Variants in ERLIN1 observed in about 807,000 individuals in gnomAD.
ERLIN1 encodes the protein ER lipid raft associated 1, also known as erlin-1.
A neutral mutation model predicts 46.9 loss-of-function variants in ERLIN1; 24 were observed. The observed-to-expected ratio is 0.51, with a 90% confidence interval of 0.37 to 0.72. The LOEUF (loss-of-function observed/expected upper bound fraction) is 0.72. Among genes scored for constraint, ERLIN1 ranks in the 30% least tolerant of loss-of-function variants. The probability of loss-of-function intolerance (pLI) is 0.00; values close to 1 mark genes in which losing one functional copy is unlikely to be tolerated. For synonymous variants in ERLIN1, 158 were observed against 143.2 expected (o/e 1.10, Z -0.74); for missense variants, 293 against 417.9 (o/e 0.70, Z 2.61).
chr10:100,182,224 T>G (rs186852551), intron 2 of ERLIN1, among the ~76,000 whole-genome samples: 2 of 151,000 alleles, frequency 1.3e-5, no homozygotes, highest in East Asian at 3.9e-4. Flanking sequence ...GAGACGGAGT[T>G]TCCCCATGTT....
At chr10:100,174,550 G>T (rs1250638727) in intron 5 of ERLIN1, among the ~76,000 whole-genome samples, 1 of 152,174 alleles carries the variant, frequency 6.6e-6, no homozygotes, top group Admixed American at 6.5e-5. Context: ...CTATGGATAA[G>T]CTTTTTTACT....
At chr10:100,163,641 A>G (rs114225290) in intron 8 of ERLIN1, among the ~76,000 whole-genome samples, 108 of 152,322 alleles carry the variant, frequency 7.1e-4, no homozygotes, top group African/African-American at 2.5e-3. Context: ...AGTGCATGTC[A>G]ACAACAAGGA....
intron 7 of ERLIN1, among the ~76,000 whole-genome samples, chr10:100,164,729 A>G (rs72840041): frequency 1.2e-4 from 19 of 152,364 alleles, no homozygotes; most frequent in Non-Finnish European, 2.5e-4. Context: ...ACTTTTTGAG[A>G]GCCCACATTA....
At chr10:100,179,845 T>C (rs1332202352) in intron 2 of ERLIN1, among the ~76,000 whole-genome samples, 1 of 152,196 alleles carries the variant, frequency 6.6e-6, no homozygotes, top group Non-Finnish European at 1.5e-5. Flanking sequence ...GTCCCTTACC[T>C]GCCTGGAGCT....
chr10:100,185,984 G>T lies in ERLIN1; in HGVS notation c.-358C>A. 9.3e-6 allele frequency: 4 copies of T among 431,472 alleles called. No homozygotes were observed. Among genetic ancestry groups the T allele is most frequent in the East Asian group, 7.1e-5 (2 of 28,332 alleles). The allele number at this position is 431,472 out of a possible 1,614,324, so 26.7% of individuals were successfully genotyped here. Reference sequence around the variant, plus strand: ...CACCGATCAGTGACGCATCGCCCCCGCCCGCACGTGCAGCCGACTCCCGCG... The same window carrying T: ...CACCGATCAGTGACGCATCGCCCCCTCCCGCACGTGCAGCCGACTCCCGCG... On this transcript the variant is annotated 5_prime_UTR_variant, in exon 1 of 11. Coordinates refer to ENST00000421367, the MANE Select transcript of ERLIN1 (RefSeq NM_006459.4).
At chr10:100,174,790 A>AAGAG (rs140430771) in intron 5 of ERLIN1, among the ~76,000 whole-genome samples, 5 of 150,730 alleles carry the variant, frequency 3.3e-5, no homozygotes, top group Non-Finnish European at 5.9e-5. Context: ...TTTGGATTTA[A>AAGAG]AGAGAGAGAG....
intron 3 of ERLIN1, 68 bp downstream of exon 3, chr10:100,179,133 A>G: frequency 8.3e-7 from 1 of 1,203,302 alleles, no homozygotes; most frequent in East Asian, 2.5e-5. Context: ...TGTCTAAGTG[A>G]TCATAGCTGT....
chr10:100,159,559 T>A (rs1843247407), intron 8 of ERLIN1, among the ~76,000 whole-genome samples: 1 of 152,184 alleles, frequency 6.6e-6, no homozygotes, highest in South Asian at 2.1e-4. Context: ...TAAGAATCCA[T>A]ATAACAGGTC....
At chr10:100,171,341 T>C (rs1843983138) in intron 6 of ERLIN1, among the ~76,000 whole-genome samples, 1 of 152,228 alleles carries the variant, frequency 6.6e-6, no homozygotes, top group African/African-American at 2.4e-5. Context: ...AAAAAGTTTA[T>C]TTTTAAAAAC....
chr10:100,182,481 G>GCCA (rs1269782567), intron 2 of ERLIN1, among the ~76,000 whole-genome samples: 7 of 152,114 alleles, frequency 4.6e-5, no homozygotes, highest in African/African-American at 1.4e-4. Context: ...CCAAAGTCAT[G>GCCA]CCACCAACTG....
chr10:100,152,382 T>C (rs1842853074), intron 10 of ERLIN1, 30 bp from the exon 11 acceptor site: 5 of 1,221,768 alleles, frequency 4.1e-6, no homozygotes, highest in Non-Finnish European at 6.1e-6. Context: ...AGCAAAGGCA[T>C]CAGAATACTC....
chr10:100,165,967 C>T (rs1843614804), intron 7 of ERLIN1, among the ~76,000 whole-genome samples: 1 of 152,086 alleles, frequency 6.6e-6, no homozygotes, highest in South Asian at 2.1e-4. Context: ...CTCAGGTGAT[C>T]CGCCGGCCTC....
At chr10:100,183,972 A>G in intron 1 of ERLIN1, 135 bp from the exon 2 acceptor site, 1 of 621,618 alleles carries the variant, frequency 1.6e-6, no homozygotes, top group South Asian at 2.0e-5. Context: ...AATTGCTCAT[A>G]ATGAACAACT....
chr10:100,165,659 T>A (rs928373518), intron 7 of ERLIN1, among the ~76,000 whole-genome samples: 1 of 152,168 alleles, frequency 6.6e-6, no homozygotes, highest in African/African-American at 2.4e-5. Context: ...AGTGCTGGGA[T>A]TACAGGCATG....
chr10:100,162,976 A>G (rs763120962), intron 8 of ERLIN1, among the ~76,000 whole-genome samples: 1 of 152,174 alleles, frequency 6.6e-6, no homozygotes, highest in Non-Finnish European at 1.5e-5. Context: ...AAAACTAGAA[A>G]CTACCTAACT....
Position 100,151,873 on chromosome 10 carries a change from CAG to C in ERLIN1, c.*256_*257del, listed in dbSNP as rs1331422521. On this transcript the variant is annotated 3_prime_UTR_variant, in exon 11 of 11. Transcript: ENST00000421367. Reference sequence around the variant, plus strand: ...TCCAGTGCAGGCAGTATCTTAGCATCAGACTTTCCTCATTCATGAGTAGCAGT... The same window carrying C: ...TCCAGTGCAGGCAGTATCTTAGCATCACTTTCCTCATTCATGAGTAGCAGT... 1 of 511,058 alleles carries C rather than the reference CAG, an allele frequency of 2.0e-6. No individual in the cohort carries two copies. The highest frequency in any genetic ancestry group is 1.9e-5 in the African/African-American group (1 of 51,986). The allele number at this position is 511,058 out of a possible 1,614,324, so 31.7% of individuals were successfully genotyped here. A position where few individuals can be genotyped will look rare whatever the true frequency, so the allele number is the denominator to read the frequency against.
intron 7 of ERLIN1, among the ~76,000 whole-genome samples, chr10:100,166,002 A>G (rs933747939): frequency 6.6e-6 from 1 of 152,236 alleles, no homozygotes; most frequent in East Asian, 1.9e-4. Context: ...CTATGATTAT[A>G]GGCATAAGCC....
In ERLIN1 at chr10:100,183,441, T is replaced by C. The variant is rs149784216; in HGVS notation, c.195+315A>G. On this transcript the variant is annotated intron_variant, in intron 2 of 10. Transcript: ENST00000421367. ...TAAACCACATAATCACTGGTTTGTATGTCTAGTTGTGTTTCTAATTCTTAC... is the reference window on the plus strand; with the variant it reads ...TAAACCACATAATCACTGGTTTGTACGTCTAGTTGTGTTTCTAATTCTTAC... 1.4e-3 allele frequency among the ~76,000 whole-genome samples: 215 copies of C among 152,348 alleles called. 6 individuals are homozygous for C. The highest frequency in any genetic ancestry group is 0.013 in the Admixed American group (198 of 15,308).
At chr10:100,156,992 G>A (rs1036603299) in intron 8 of ERLIN1, among the ~76,000 whole-genome samples, 2 of 152,148 alleles carry the variant, frequency 1.3e-5, no homozygotes, top group Admixed American at 6.5e-5. Context: ...TCCAGCCAGC[G>A]TGACAGAGTG....
Sources: allele counts gnomAD v4.1 joint callset (sites outside exome capture counted in the v4.1 genomes callset), GRCh38; gene constraint gnomAD v4.1.1; transcripts MANE v1.5; gene names NCBI Gene and HGNC (gene_info 2026-07-23, HGNC 2026-07-21).